FAM186B: variants seen among roughly 807,000 people sequenced by gnomAD.
FAM186B encodes the protein family with sequence similarity 186 member B.
A neutral mutation model predicts 83.4 loss-of-function variants in FAM186B; 68 were observed. The ratio of observed to expected loss-of-function variants is 0.81; its 90% CI spans 0.67 to 1.00. FAM186B has a LOEUF of 1.00. Ranked by LOEUF, FAM186B falls within the 50% of genes least tolerant of loss-of-function variation. The probability of loss-of-function intolerance (pLI) is 0.00; values close to 1 mark genes in which losing one functional copy is unlikely to be tolerated. For missense variants in FAM186B, 983 were observed against 1,099.2 expected (o/e 0.89, Z 1.49); for synonymous variants, 389 against 422.0 (o/e 0.92, Z 0.96).
chr12:49,595,330 G>C (rs1268191950), intron 5 of FAM186B: 4 of 599,478 alleles, frequency 6.7e-6, no homozygotes, highest in Admixed American at 3.9e-5. Context: ...TGACATAGTA[G>C]TTCTACCAGG....
At position 49,598,570 on chromosome 12, in the gene FAM186B, C is replaced by A. The variant is rs141854681; in HGVS notation, c.2364+185G>T. Among the ~76,000 whole-genome samples, 213 of 152,280 alleles carry A rather than the reference C, an allele frequency of 1.4e-3. 1 individual carries two copies. The highest frequency in any genetic ancestry group is 2.4e-3 in the Non-Finnish European group (160 of 68,018). On this transcript the variant is annotated intron_variant, in intron 5 of 6. Coordinates refer to ENST00000257894, the MANE Select transcript of FAM186B (RefSeq NM_032130.3). ...GATTGGAAAGCTGCCCACCCCCATG[C>A]TCAGGCCACCACCTGCCTTCACCTC...
the FAM186B span, among the ~76,000 whole-genome samples, chr12:49,620,837 G>C: frequency 2.6e-5 from 4 of 152,142 alleles, no homozygotes; most frequent in Non-Finnish European, 5.9e-5. Flanking sequence ...TTCTCCGTAA[G>C]AATTGTAAAC....
Position 49,605,557 on chromosome 12 carries a change from G to T in FAM186B, c.-80C>A. ...GACACACAATGTTGCCTGCTTTGGA[G>T]GTTAAGGGCACCAGGGTGTCTCCTG... On this transcript the variant is annotated 5_prime_UTR_variant, in exon 1 of 7. Coordinates refer to ENST00000257894, the MANE Select transcript of FAM186B (RefSeq NM_032130.3). The T allele has an allele frequency of 6.7e-7, 1 of 1,482,844 alleles. No individual in the cohort carries two copies. Among genetic ancestry groups the T allele is most frequent in the Non-Finnish European group, 9.1e-7 (1 of 1,095,922 alleles). 91.9% of individuals were successfully genotyped at this position (1,482,844 alleles called of 1,614,324 possible).
chr12:49,611,544 A>G, the FAM186B span, among the ~76,000 whole-genome samples: 1 of 147,248 alleles, frequency 6.8e-6, no homozygotes. Context: ...ACAGAGCAAG[A>G]CTGTGTCTCA....
chr12:49,583,177 A>G (rs1335211463), downstream of FAM186B: 1 of 413,470 alleles, frequency 2.4e-6, no homozygotes, highest in Non-Finnish European at 4.9e-6. Context: ...TATGAATAGT[A>G]TGAAATCTTT....
chr12:49,616,115 C>T, the FAM186B span, among the ~76,000 whole-genome samples: 1 of 151,932 alleles, frequency 6.6e-6, no homozygotes, highest in Admixed American at 6.6e-5. Flanking sequence ...CTGCAACCTC[C>T]GCCTCCCGGG....
chr12:49,605,584 G>T lies in FAM186B; in HGVS notation c.-107C>A. 8.0e-7 allele frequency: 1 copy of T among 1,243,922 alleles called. No individual in the cohort carries two copies. 77.1% of individuals were successfully genotyped at this position (1,243,922 alleles called of 1,614,324 possible). A position where few individuals can be genotyped will look rare whatever the true frequency, so the allele number is the denominator to read the frequency against. On this transcript the variant is annotated 5_prime_UTR_variant, in exon 1 of 7. Coordinates refer to ENST00000257894, the MANE Select transcript of FAM186B (RefSeq NM_032130.3). The stretch of plus-strand genomic sequence containing the variant: ...TTAAGGGCACCAGGGTGTCTCCTGG[G>T]TACCCTCTGCCCAGGCACAGCTCCT...
chr12:49,600,833 G>A lies in FAM186B; in HGVS notation c.807C>T (p.Thr269=), dbSNP rs766508660. The A allele has an allele frequency of 6.2e-7, 1 of 1,612,440 alleles. No homozygotes were observed. Among genetic ancestry groups the A allele is most frequent in the South Asian group, 1.1e-5 (1 of 90,832 alleles). The stretch of plus-strand genomic sequence containing the variant: ...GCAGCCTCTGGCTGCTGAGCTCTTT[G>A]GTCGCCTGCATTTGCAGGTGCCTGT... The part of the protein sequence containing the change: ...TKYRHLQMQA[T]KELSSQRLHF... The change falls in exon 4 of 7, where the codon ACC becomes ACT. Residue 269 remains threonine (T), a synonymous_variant. Transcript: ENST00000257894. The surrounding 1 kb of genome is among the most constrained non-coding windows in gnomAD (Gnocchi z 4.3).
At chr12:49,585,799 TGG>T (rs1319128186), downstream of FAM186B, among the ~76,000 whole-genome samples, 1 of 152,150 alleles carries the variant, frequency 6.6e-6, no homozygotes, top group African/African-American at 2.4e-5. Flanking sequence ...GGATCCATGG[TGG>T]GCCAGGAGCA....
chr12:49,584,375 C>A (rs2138227071), downstream of FAM186B: 1 of 648,348 alleles, frequency 1.5e-6, no homozygotes, highest in Non-Finnish European at 2.8e-6. Context: ...ACTCAGCAAC[C>A]CCCAGAGGGT....
rs1293691082 is a variant in FAM186B at position 49,600,809 on chromosome 12, C to T, written c.831G>A (p.Leu277=). ...GGACCTCCATGAACTGCTGGAAGTG[C>T]AGCCTCTGGCTGCTGAGCTCTTTGG... is the stretch of plus-strand genomic sequence containing the variant. ...QATKELSSQR[L]HFQQFMEVLE... The change falls in exon 4 of 7, where the codon CTG becomes CTA. Residue 277 remains leucine, a synonymous_variant. Transcript: ENST00000257894. The surrounding 1 kb of genome is among the most constrained non-coding windows in gnomAD (Gnocchi z 4.3). The T allele has an allele frequency of 6.2e-7, 1 of 1,611,464 alleles. No homozygotes were observed.
chr12:49,583,276 C>T (rs560806792), downstream of FAM186B: 2 of 340,108 alleles, frequency 5.9e-6, no homozygotes, highest in African/African-American at 2.1e-5. Context: ...TCAATTTCTT[C>T]TCTGTGCATT....
intron 5 of FAM186B, among the ~76,000 whole-genome samples, chr12:49,589,112 G>C (rs912534871): frequency 6.6e-6 from 1 of 152,214 alleles, no homozygotes; most frequent in Non-Finnish European, 1.5e-5. Flanking sequence ...GCCTCTAGGA[G>C]ATTATCTGGA....
chr12:49,585,803 C>G (rs78508839), downstream of FAM186B, among the ~76,000 whole-genome samples: 39 of 152,238 alleles, frequency 2.6e-4, no homozygotes, highest in East Asian at 7.3e-3. Flanking sequence ...CCATGGTGGG[C>G]CAGGAGCAGG....
the FAM186B span, among the ~76,000 whole-genome samples, chr12:49,619,854 T>C: frequency 1.3e-5 from 2 of 151,784 alleles, no homozygotes; most frequent in Non-Finnish European, 2.9e-5. Flanking sequence ...TTTGTATTTT[T>C]TTTTTAGTAG....
rs145132027 is a variant in FAM186B at position 49,603,385 on chromosome 12, G to T, written c.323-18C>A. 2.1e-3 allele frequency: 3,345 copies of T among 1,613,722 alleles called. 33 individuals are homozygous for T. The highest frequency in any genetic ancestry group is 0.012 in the South Asian group (1,095 of 91,028). ...AGTGTCACCTGGAGAAGGGATGGGA[G>T]GTGCAGGCTGAGAGCAGTCTGTCCT... On this transcript the variant is annotated intron_variant, in intron 2 of 6. Coordinates refer to ENST00000257894, the MANE Select transcript of FAM186B (RefSeq NM_032130.3).
At position 49,598,885 on chromosome 12, in the gene FAM186B, T is replaced by A. The variant is rs1592551746; in HGVS notation, c.2234A>T (p.Asn745Ile). 3 of 1,613,390 alleles carry A rather than the reference T, an allele frequency of 1.9e-6. No individual in the cohort carries two copies. The highest frequency in any genetic ancestry group is 2.2e-5 in the East Asian group (1 of 44,804). ...KETEASYKAQ[N>I]LYIFLENIDR... ...AATGTTTTCCAGGAAGATGTAGAGGTTCTGGGCCTTGTAGGAAGCCTCCGT... is the reference window on the plus strand; with the variant it reads ...AATGTTTTCCAGGAAGATGTAGAGGATCTGGGCCTTGTAGGAAGCCTCCGT... The change falls in exon 5 of 7, where the codon AAC becomes ATC. Residue 745 changes from asparagine to isoleucine, a missense_variant. Transcript: ENST00000257894.
At chr12:49,591,659 T>C (rs1939583395) in intron 5 of FAM186B, among the ~76,000 whole-genome samples, 1 of 152,136 alleles carries the variant, frequency 6.6e-6, no homozygotes, top group Non-Finnish European at 1.5e-5. Context: ...AGATTATTCT[T>C]TTCCCTTTGC....
chr12:49,595,165 G>A, intron 5 of FAM186B: 1 of 455,006 alleles, frequency 2.2e-6, no homozygotes, highest in Non-Finnish European at 4.2e-6. Flanking sequence ...AAGGAGCAGA[G>A]GAAATGGAGA....
Sources: allele counts gnomAD v4.1 joint callset (sites outside exome capture counted in the v4.1 genomes callset), GRCh38; gene constraint gnomAD v4.1.1; non-coding constraint Gnocchi (gnomAD v3.1); transcripts MANE v1.5; gene names NCBI Gene and HGNC (gene_info 2026-07-23, HGNC 2026-07-21).